Variants in RYR3 observed in about 807,000 individuals in gnomAD.
RYR3 encodes brain ryanodine receptor-calcium release channel.
In RYR3, 207 loss-of-function variants were observed where a neutral mutation model predicts 584.3. That is an observed-to-expected ratio of 0.35 (90% CI 0.32 to 0.40). The LOEUF is 0.40. RYR3 is among the 10% of genes least tolerant of loss of function. The pLI is 1.00. For synonymous variants in RYR3, 2,416 were observed against 2,248.5 expected, an observed-to-expected ratio of 1.07 and a Z score of -2.11; for missense variants, 5,616 against 6,089.2, an observed-to-expected ratio of 0.92 and a Z score of 2.59.
chr15:33,593,809 T>C (rs2059248001), intron 16 of RYR3, among the ~76,000 whole-genome samples: 1 of 152,184 alleles, frequency 6.6e-6, no homozygotes, highest in Non-Finnish European at 1.5e-5. Flanking sequence ...ACTTGAAACA[T>C]AATTTTTCTC....
chr15:33,745,557 T>C lies in RYR3; in HGVS notation c.7900-511T>C, dbSNP rs138487435. Among the ~76,000 whole-genome samples the C allele has an allele frequency of 1.0e-3, 154 of 152,280 alleles. 1 individual carries two copies. The highest frequency in any genetic ancestry group is 3.3e-3 in the African/African-American group (137 of 41,552). The stretch of plus-strand genomic sequence containing the variant: ...CTCGGACAGAGTCTGGTGTGTACCA[T>C]AGAAGACATTCACCCAATATTTGTT... On this transcript the variant is annotated intron_variant, in intron 52 of 103. Transcript: ENST00000634891.
intron 50 of RYR3, 64 bp from the exon 51 acceptor site, chr15:33,739,768 T>C (rs750649293): frequency 3.6e-6 from 5 of 1,374,658 alleles, no homozygotes; most frequent in Non-Finnish European, 5.0e-6. Flanking sequence ...TGATTGGTGA[T>C]TGGTTCTGTC....
intron 41 of RYR3, 146 bp downstream of exon 41, chr15:33,699,979 A>G: frequency 1.2e-6 from 1 of 813,248 alleles, no homozygotes; most frequent in Non-Finnish European, 1.8e-6. Context: ...ATTTAAAACA[A>G]TTGAAGTAAC....
chr15:33,753,762 G>A (rs145976448), intron 57 of RYR3, among the ~76,000 whole-genome samples: 12 of 152,222 alleles, frequency 7.9e-5, no homozygotes, highest in South Asian at 6.2e-4. Flanking sequence ...GATAGCCTCC[G>A]GGGAAGCATT....
At chr15:33,537,634 C>T (rs1305827026) in intron 5 of RYR3, among the ~76,000 whole-genome samples, 1 of 152,126 alleles carries the variant, frequency 6.6e-6, no homozygotes, top group Non-Finnish European at 1.5e-5. Context: ...GTGTGACTTG[C>T]TTTTATTTTC....
At chr15:33,651,454 G>A (rs952005506) in intron 31 of RYR3, among the ~76,000 whole-genome samples, 1 of 152,216 alleles carries the variant, frequency 6.6e-6, no homozygotes, top group Non-Finnish European at 1.5e-5. Context: ...CACAGGAAGC[G>A]AGCAGACCCA....
chr15:33,815,456 C>G (rs1596761851), intron 74 of RYR3: 1 of 157,420 alleles, frequency 6.4e-6, no homozygotes, highest in African/African-American at 2.4e-5. Flanking sequence ...AATTACATCT[C>G]TCAAAAACAA....
chr15:33,445,238 G>A (rs2046535399), intron 1 of RYR3, among the ~76,000 whole-genome samples: 1 of 152,114 alleles, frequency 6.6e-6, no homozygotes, highest in Non-Finnish European at 1.5e-5. Flanking sequence ...TGATGCGAAG[G>A]GGGCACATGG....
chr15:33,857,170 C>G (rs866955045), intron 98 of RYR3, among the ~76,000 whole-genome samples: 1 of 152,150 alleles, frequency 6.6e-6, no homozygotes, highest in Non-Finnish European at 1.5e-5. Flanking sequence ...GTACTACAGA[C>G]TGCTATTTTG....
At chr15:33,553,126 C>G (rs1228514886) in intron 10 of RYR3, among the ~76,000 whole-genome samples, 1 of 152,114 alleles carries the variant, frequency 6.6e-6, no homozygotes, top group Non-Finnish European at 1.5e-5. Context: ...CATCTGTTTT[C>G]TATGGGACTG....
chr15:33,512,898 T>G (rs1330571694), intron 3 of RYR3, among the ~76,000 whole-genome samples: 4 of 152,134 alleles, frequency 2.6e-5, no homozygotes, highest in African/African-American at 4.8e-5. Flanking sequence ...AGGTAAACAG[T>G]TTATTATTCA....
In RYR3 at chr15:33,581,524, T is replaced by C; in HGVS notation, c.1454T>C (p.Val485Ala). 2 of 1,613,730 alleles carry C rather than the reference T, an allele frequency of 1.2e-6. No individual in the cohort carries two copies. Among genetic ancestry groups the C allele is most frequent in the Non-Finnish European group, 1.7e-6 (2 of 1,179,664 alleles). Residue 485 changes from valine (V) to alanine (A), a missense_variant, in exon 14 of 104, where the codon GTC becomes GCC. Transcript: ENST00000634891. ...LFKEEGMLAL[V>A]LNCIDRLNVY... ...CCTTCTCAGGGAATGTTGGCCCTTGTCTTAAATTGCATTGACCGCTTAAAT... is the reference window on the plus strand; with the variant it reads ...CCTTCTCAGGGAATGTTGGCCCTTGCCTTAAATTGCATTGACCGCTTAAAT...
chr15:33,784,146 C>G (rs1384074951), intron 65 of RYR3, among the ~76,000 whole-genome samples: 5 of 152,180 alleles, frequency 3.3e-5, no homozygotes, highest in Non-Finnish European at 5.9e-5. Flanking sequence ...ACATCCTGTC[C>G]AGGTAGAATC....
chr15:33,344,017 G>A (rs1303922151), intron 1 of RYR3, among the ~76,000 whole-genome samples: 1 of 152,222 alleles, frequency 6.6e-6, no homozygotes, highest in Non-Finnish European at 1.5e-5. Flanking sequence ...CTCTGCCAAA[G>A]AAATAGTCCC....
intron 43 of RYR3, among the ~76,000 whole-genome samples, chr15:33,720,166 A>G (rs903300570): frequency 6.6e-6 from 1 of 152,226 alleles, no homozygotes; most frequent in East Asian, 1.9e-4. Flanking sequence ...AGAGTGGTAC[A>G]TGCTTACAAT....
At chr15:33,588,760 A>C (rs1181900772) in intron 16 of RYR3, among the ~76,000 whole-genome samples, 2 of 152,176 alleles carry the variant, frequency 1.3e-5, no homozygotes. Flanking sequence ...AGTTCCATCT[A>C]TGTTGCTGCA....
intron 38 of RYR3, among the ~76,000 whole-genome samples, chr15:33,679,139 G>A (rs1320240417): frequency 5.3e-5 from 8 of 151,988 alleles, no homozygotes; most frequent in African/African-American, 1.9e-4. Context: ...AGACCACAGA[G>A]GGCATGAGTT....
Position 33,706,966 on chromosome 15 carries a change from T to C in RYR3, c.6531T>C (p.Leu2177=), listed in dbSNP as rs2066762336. 1 of 1,613,010 alleles carries C rather than the reference T, an allele frequency of 6.2e-7. No individual in the cohort carries two copies. Among genetic ancestry groups the C allele is most frequent in the African/African-American group, 1.3e-5 (1 of 75,054 alleles). ...AGCGLQSCPM[L]LAKGYPDVGW... Reference sequence around the variant, plus strand: ...GTGGCCTACAGAGCTGCCCCATGCTTCTGGCCAAAGGATACCCTGATGTCG... The same window carrying C: ...GTGGCCTACAGAGCTGCCCCATGCTCCTGGCCAAAGGATACCCTGATGTCG... The change falls in exon 43 of 104, where the codon CTT becomes CTC. Residue 2177 remains leucine, a synonymous_variant. Coordinates refer to ENST00000634891, the MANE Select transcript of RYR3 (RefSeq NM_001036.6).
chr15:33,633,589 C>T (rs1034510936), intron 24 of RYR3, among the ~76,000 whole-genome samples: 16 of 152,136 alleles, frequency 1.1e-4, no homozygotes, highest in African/African-American at 3.4e-4. Flanking sequence ...GTATCAGGGA[C>T]GTTCAGGAGT....
Sources: allele counts gnomAD v4.1 joint callset (sites outside exome capture counted in the v4.1 genomes callset), GRCh38; gene constraint gnomAD v4.1.1; transcripts MANE v1.5; gene names NCBI Gene and HGNC (gene_info 2026-07-23, HGNC 2026-07-21).